Variants in CNTN5 observed in about 807,000 individuals in gnomAD.
The protein encoded by CNTN5 is contactin-5.
A neutral mutation model predicts 129.1 loss-of-function variants in CNTN5; 77 were observed. The ratio of observed to expected loss-of-function variants is 0.60; its 90% CI spans 0.50 to 0.72. The LOEUF (loss-of-function observed/expected upper bound fraction) is 0.72, where lower values mean the gene tolerates loss of function less well. Ranked by LOEUF, CNTN5 falls within the 30% of genes least tolerant of loss-of-function variation. The pLI, the probability that CNTN5 is intolerant of heterozygous loss-of-function variation, is 0.00. For synonymous variants in CNTN5, 509 were observed against 465.6 expected (o/e 1.09, Z -1.20); for missense variants, 1,478 against 1,328.8 (o/e 1.11, Z -1.75).
At chr11:99,639,960 C>T (rs1478961878) in intron 3 of CNTN5, among the ~76,000 whole-genome samples, 1 of 152,144 alleles carries the variant, frequency 6.6e-6, no homozygotes, top group East Asian at 1.9e-4. Flanking sequence ...ATCTCTAGGG[C>T]AGGGACAAAA....
intron 6 of CNTN5, among the ~76,000 whole-genome samples, chr11:99,900,766 T>C (rs1949335776): frequency 1.3e-5 from 2 of 152,172 alleles, no homozygotes; most frequent in Non-Finnish European, 1.5e-5. Flanking sequence ...ACATTCAAGA[T>C]TGATATTGAT....
chr11:99,588,765 C>T (rs1458461733), intron 3 of CNTN5, among the ~76,000 whole-genome samples: 1 of 152,088 alleles, frequency 6.6e-6, no homozygotes, highest in African/African-American at 2.4e-5. Context: ...TGGTGGCAAC[C>T]GTGTCAATAT....
intron 13 of CNTN5, among the ~76,000 whole-genome samples, chr11:100,167,830 C>T (rs570710036): frequency 9.2e-5 from 14 of 152,080 alleles, no homozygotes; most frequent in South Asian, 6.2e-4. Flanking sequence ...AATGCCAAGA[C>T]AGGCCAAAAG....
chr11:99,828,192 T>G (rs1947028107), intron 4 of CNTN5, among the ~76,000 whole-genome samples: 1 of 152,216 alleles, frequency 6.6e-6, no homozygotes, highest in African/African-American at 2.4e-5. Flanking sequence ...TGTGAATAGC[T>G]CATTATAAGA....
intron 16 of CNTN5, among the ~76,000 whole-genome samples, chr11:100,234,904 A>G (rs1356455714): frequency 2.0e-5 from 3 of 151,654 alleles, no homozygotes; most frequent in Non-Finnish European, 4.4e-5. Context: ...TCATTCTCTC[A>G]TTTTTAAATT....
chr11:99,756,408 A>G (rs1944405287), intron 3 of CNTN5, among the ~76,000 whole-genome samples: 1 of 152,108 alleles, frequency 6.6e-6, no homozygotes, highest in Non-Finnish European at 1.5e-5. Flanking sequence ...GCCTTTTCAC[A>G]GACAATTTTC....
intron 6 of CNTN5, among the ~76,000 whole-genome samples, chr11:99,903,191 G>A (rs977831439): frequency 7.2e-5 from 11 of 151,902 alleles, no homozygotes; most frequent in Admixed American, 1.3e-4. Context: ...TGCAATACAC[G>A]AATGAAGTTG....
chr11:100,139,291 C>T (rs1321688051), intron 13 of CNTN5, among the ~76,000 whole-genome samples: 2 of 152,062 alleles, frequency 1.3e-5, no homozygotes, highest in African/African-American at 2.4e-5. Flanking sequence ...AGAAGTACCA[C>T]ACTTCAAAAT....
intron 1 of CNTN5, among the ~76,000 whole-genome samples, chr11:99,086,881 T>A (rs1866028903): frequency 6.6e-6 from 1 of 152,306 alleles, no homozygotes; most frequent in Non-Finnish European, 1.5e-5. Flanking sequence ...CAGATATAGC[T>A]TCCCACTCTT....
At chr11:100,324,147 A>T (rs1951747284) in intron 21 of CNTN5, among the ~76,000 whole-genome samples, 1 of 152,166 alleles carries the variant, frequency 6.6e-6, no homozygotes, top group Non-Finnish European at 1.5e-5. Context: ...AGGAGTATAG[A>T]TTCAAGTTGC....
intron 2 of CNTN5, among the ~76,000 whole-genome samples, chr11:99,361,412 G>T (rs1240110399): frequency 6.6e-6 from 1 of 152,094 alleles, no homozygotes; most frequent in Non-Finnish European, 1.5e-5. Flanking sequence ...GACTAATATT[G>T]TATTTAATAA....
At chr11:99,495,945 G>A (rs1292527712) in intron 2 of CNTN5, among the ~76,000 whole-genome samples, 1 of 152,146 alleles carries the variant, frequency 6.6e-6, no homozygotes, top group Non-Finnish European at 1.5e-5. Context: ...GTGGATGAAT[G>A]CACCACTTAC....
chr11:99,785,038 A>ATCTGCCTGCC (rs1565528732), intron 3 of CNTN5, among the ~76,000 whole-genome samples: 2 of 151,056 alleles, frequency 1.3e-5, no homozygotes, highest in African/African-American at 4.9e-5. Context: ...TGACCTCGTG[A>ATCTGCCTGCC]TCCGCCTGCC....
intron 1 of CNTN5, among the ~76,000 whole-genome samples, chr11:99,084,978 A>G (rs1043466425): frequency 6.6e-6 from 1 of 152,226 alleles, no homozygotes; most frequent in Non-Finnish European, 1.5e-5. Flanking sequence ...GCAAAGTTTA[A>G]TTTTCATTTT....
chr11:100,138,067 A>G (rs971418787), intron 13 of CNTN5, among the ~76,000 whole-genome samples: 8 of 152,136 alleles, frequency 5.3e-5, no homozygotes, highest in Middle Eastern at 3.2e-3. Flanking sequence ...GAAATGAAGG[A>G]CAGAGAGTCA....
intron 4 of CNTN5, among the ~76,000 whole-genome samples, chr11:99,822,863 C>T (rs1946843449): frequency 6.6e-6 from 1 of 152,216 alleles, no homozygotes. Flanking sequence ...TGACTCCCAA[C>T]AATGGGTTAC....
intron 3 of CNTN5, among the ~76,000 whole-genome samples, chr11:99,716,776 A>G (rs1366323182): frequency 6.6e-6 from 1 of 152,130 alleles, no homozygotes; most frequent in East Asian, 1.9e-4. Context: ...AGGACATAAT[A>G]TATTCCAAGA....
chr11:99,272,172 T>C (rs774500117), intron 1 of CNTN5, among the ~76,000 whole-genome samples: 10 of 151,888 alleles, frequency 6.6e-5, no homozygotes, highest in Non-Finnish European at 1.2e-4. Context: ...GTCACAAAAC[T>C]AACTGGCTGC....
intron 8 of CNTN5, among the ~76,000 whole-genome samples, chr11:99,990,455 TACAC>T (rs57175307): frequency 1.4e-5 from 2 of 145,080 alleles, no homozygotes; most frequent in South Asian, 2.2e-4. Flanking sequence ...TATATATATA[TACAC>T]ACACACACAC....
Sources: allele counts gnomAD v4.1 joint callset (sites outside exome capture counted in the v4.1 genomes callset), GRCh38; gene constraint gnomAD v4.1.1; transcripts MANE v1.5; gene names NCBI Gene and HGNC (gene_info 2026-07-23, HGNC 2026-07-21).